B2M: variants seen among roughly 807,000 people sequenced by gnomAD.
B2M encodes beta-2-microglobulin.
Under a neutral mutation model 14.5 loss-of-function variants are expected in B2M, and 3 were observed. The ratio of observed to expected loss-of-function variants is 0.21; its 90% confidence interval spans 0.09 to 0.53. The LOEUF (loss-of-function observed/expected upper bound fraction) is 0.53, where lower values mean the gene tolerates loss of function less well. Among genes scored for constraint, B2M ranks in the 20% least tolerant of loss-of-function variants. The probability of loss-of-function intolerance (pLI) is 0.95; values close to 1 mark genes in which losing one functional copy is unlikely to be tolerated. For synonymous variants in B2M, 45 were observed against 52.7 expected, an observed-to-expected ratio of 0.85 and a Z score of 0.64; for missense variants, 107 against 140.8, an observed-to-expected ratio of 0.76 and a Z score of 1.21.
chr15:44,715,780 AG>A, intron 2 of B2M, 79 bp downstream of exon 2: 1 of 1,559,200 alleles, frequency 6.4e-7, no homozygotes, highest in Non-Finnish European at 8.8e-7. Flanking sequence ...GATATAAAAA[AG>A]GTCTATGGCC....
At chr15:44,716,477 G>A (rs2086943024) in intron 3 of B2M, 121 bp downstream of exon 3, 1 of 1,130,682 alleles carries the variant, frequency 8.8e-7, no homozygotes, top group Non-Finnish European at 1.3e-6. Context: ...TTTTAGCAGG[G>A]AAAGAAGAAT....
Position 44,715,415 on chromosome 15 carries a change from T to C in B2M, c.68-8T>C, listed in dbSNP as rs2086929890. 1.9e-6 allele frequency: 3 copies of C among 1,613,022 alleles called. No homozygotes were observed. The highest frequency in any genetic ancestry group is 1.7e-5 in the Admixed American group (1 of 60,006). ...AATATTAATGTGTCTTTTCCCGATA[T>C]TCCTCAGGTACTCCAAAGATTCAGG... On this transcript the variant is annotated splice_polypyrimidine_tract_variant and splice_region_variant and intron_variant, in intron 1 of 3. Transcript: ENST00000648006.
intron 1 of B2M, chr15:44,711,906 C>T: frequency 1.8e-6 from 1 of 569,324 alleles, no homozygotes; most frequent in East Asian, 3.0e-5. Context: ...CGATAAGCGT[C>T]AGAGCGCCGA....
At chr15:44,715,187 AC>A in intron 1 of B2M, 1 of 590,406 alleles carries the variant, frequency 1.7e-6, no homozygotes, top group Non-Finnish European at 3.0e-6. Flanking sequence ...TAGAAAAAAA[AC>A]AAAAAAGGCA....
chr15:44,711,836 G>A, intron 1 of B2M: 1 of 670,172 alleles, frequency 1.5e-6, no homozygotes, highest in Non-Finnish European at 2.7e-6. Flanking sequence ...CCTTTCGGCG[G>A]GGAGCAGGGG....
intron 1 of B2M, among the ~76,000 whole-genome samples, chr15:44,712,273 CAT>C (rs1477247926): frequency 1.6e-4 from 24 of 152,216 alleles, no homozygotes. Context: ...GTTCCCATCA[CAT>C]GTCACTTTTA....
chr15:44,717,820 T>G lies in B2M; in HGVS notation c.*228T>G, dbSNP rs1489734419. On this transcript the variant is annotated 3_prime_UTR_variant, in exon 4 of 4. Transcript: ENST00000648006. ...GCTCCACAGGTAGCTCTAGGAGGGC[T>G]GGCAACTTAGAGGTGGGGAGCAGAG... The G allele has an allele frequency of 6.6e-6, 1 of 152,238 alleles. No homozygotes were observed. The highest frequency in any genetic ancestry group is 2.4e-5 in the African/African-American group (1 of 41,448). The allele number at this position is 152,238 out of a possible 1,614,324, so 9.4% of individuals were successfully genotyped here.
intron 1 of B2M, chr15:44,712,823 C>T (rs1175210378): frequency 6.6e-6 from 1 of 151,828 alleles, no homozygotes; most frequent in Non-Finnish European, 1.5e-5. Flanking sequence ...CATGGTGAAG[C>T]CTGGTCTCTA....
At position 44,716,216 on chromosome 15, in the gene B2M, G is replaced by A. The variant is rs74009403; in HGVS notation, c.347-113G>A. The A allele has an allele frequency of 3.8e-3, 4,856 of 1,264,088 alleles. 104 individuals carry two copies. In the African/African-American group the frequency reaches 0.053, roughly 14 times the overall value. The allele number at this position is 1,264,088 out of a possible 1,614,324, so 78.3% of individuals were successfully genotyped here. A position where few individuals can be genotyped will look rare whatever the true frequency, so the allele number is the denominator to read the frequency against. On this transcript the variant is annotated intron_variant, in intron 2 of 3. Coordinates refer to ENST00000648006, the MANE Select transcript of B2M (RefSeq NM_004048.4). ...AACAATGTATTCATGGGTAGGAACA[G>A]CAGCCTATTCTGCCAGCCTTATTTC...
chr15:44,715,762 G>A lies in B2M; in HGVS notation c.346+61G>A, dbSNP rs566677083. 16 of 1,597,088 alleles carry A rather than the reference G, an allele frequency of 1.0e-5. No individual in the cohort carries two copies. The African/African-American group carries it at 2.0e-4, about 20-fold the overall frequency. ...TGTGTATGAGTAGTCATATCATAAA[G>A]CTGCTTTGATATAAAAAAGGTCTAT... On this transcript the variant is annotated intron_variant, in intron 2 of 3. Coordinates refer to ENST00000648006, the MANE Select transcript of B2M (RefSeq NM_004048.4).
intron 1 of B2M, chr15:44,713,177 T>C (rs1315884126): frequency 1.3e-5 from 2 of 152,142 alleles, no homozygotes; most frequent in African/African-American, 4.8e-5. Context: ...CGCTCACCTT[T>C]TCCTCTGGCA....
At chr15:44,712,432 A>C (rs988784943) in intron 1 of B2M, among the ~76,000 whole-genome samples, 3 of 152,236 alleles carry the variant, frequency 2.0e-5, no homozygotes, top group Non-Finnish European at 4.4e-5. Flanking sequence ...GAAGAAACTA[A>C]GGCACCGAGA....
chr15:44,712,561 A>G (rs974241273), intron 1 of B2M, among the ~76,000 whole-genome samples: 1 of 152,214 alleles, frequency 6.6e-6, no homozygotes, highest in African/African-American at 2.4e-5. Context: ...TTTTTTTTTA[A>G]GAAAAACGCC....
intron 3 of B2M, chr15:44,717,395 A>G (rs2141290217): frequency 6.6e-6 from 1 of 152,296 alleles, no homozygotes; most frequent in Admixed American, 6.5e-5. Flanking sequence ...TCATTGACCA[A>G]AACATCATAT....
At chr15:44,716,421 C>G (rs992262027) in intron 3 of B2M, 65 bp downstream of exon 3, 10 of 1,462,612 alleles carry the variant, frequency 6.8e-6, no homozygotes, top group Non-Finnish European at 8.6e-6. Context: ...ATAGACAGCT[C>G]TAACATGATA....
rs1204151497 is a variant in B2M at position 44,715,461 on chromosome 15, G to A, written c.106G>A (p.Glu36Lys). 1.9e-6 allele frequency: 3 copies of A among 1,614,134 alleles called. No homozygotes were observed. The Admixed American group carries it at 5.0e-5, about 27-fold the overall frequency. Residue 36 changes from glutamate to lysine, a missense_variant, in exon 2 of 4, where the codon GAG becomes AAG. Glu to Lys is a moderately conservative substitution (Grantham distance 56). Transcript: ENST00000648006. ...KIQVYSRHPA[E>K]NGKSNFLNCY... Reference sequence around the variant, plus strand: ...TCAGGTTTACTCACGTCATCCAGCAGAGAATGGAAAGTCAAATTTCCTGAA... The same window carrying A: ...TCAGGTTTACTCACGTCATCCAGCAAAGAATGGAAAGTCAAATTTCCTGAA...
intron 1 of B2M, chr15:44,713,041 A>C (rs1194473601): frequency 6.6e-6 from 1 of 152,032 alleles, no homozygotes; most frequent in Non-Finnish European, 1.5e-5. Context: ...GAAAGAAAGA[A>C]GTGAAGGTTT....
In B2M at chr15:44,711,695, C is replaced by T; in HGVS notation, c.67+82C>T. ...TGGCCCTCGCTGTGCTCTCTCGCTC[C>T]GTGACTTCCCTTCTCCAAGTTCTCC... On this transcript the variant is annotated intron_variant, in intron 1 of 3. Transcript: ENST00000648006. The T allele has an allele frequency of 2.7e-6, 4 of 1,483,660 alleles. No individual in the cohort carries two copies. The Admixed American group carries it at 5.1e-5, about 19-fold the overall frequency. The allele number at this position is 1,483,660 out of a possible 1,614,324, so 91.9% of individuals were successfully genotyped here. A position where few individuals can be genotyped will look rare whatever the true frequency, so the allele number is the denominator to read the frequency against.
Position 44,711,603 on chromosome 15 carries a change from G to A in B2M, c.57G>A (p.Glu19=). 2 of 1,613,744 alleles carry A rather than the reference G, an allele frequency of 1.2e-6. No homozygotes were observed. The highest frequency in any genetic ancestry group is 1.3e-5 in the African/African-American group (1 of 75,036). The part of the protein sequence containing the change: ...VLALLSLSGL[E]AIQRTPKIQV... ...CGCTACTCTCTCTTTCTGGCCTGGAGGCTATCCAGCGTGAGTCTCTCCTAC... is the reference window on the plus strand; with the variant it reads ...CGCTACTCTCTCTTTCTGGCCTGGAAGCTATCCAGCGTGAGTCTCTCCTAC... Residue 19 remains glutamate, a synonymous_variant, in exon 1 of 4, where the codon GAG becomes GAA. Coordinates refer to ENST00000648006, the MANE Select transcript of B2M (RefSeq NM_004048.4).
Sources: allele counts gnomAD v4.1 joint callset (sites outside exome capture counted in the v4.1 genomes callset), GRCh38; gene constraint gnomAD v4.1.1; transcripts MANE v1.5; gene names NCBI Gene and HGNC (gene_info 2026-07-23, HGNC 2026-07-21).